IGF2R: variants seen among roughly 807,000 people sequenced by gnomAD.
The protein encoded by IGF2R is insulin like growth factor 2 receptor, also known as cation-independent mannose-6-phosphate receptor.
In IGF2R, 91 loss-of-function variants were observed where a neutral mutation model predicts 270.6. The ratio of observed to expected loss-of-function variants is 0.34; its 90% CI spans 0.28 to 0.40. The LOEUF (loss-of-function observed/expected upper bound fraction) is 0.40. IGF2R is among the 10% of genes least tolerant of loss of function. The probability of loss-of-function intolerance (pLI) is 1.00; values close to 1 mark genes in which losing one functional copy is unlikely to be tolerated. For missense variants in IGF2R, 2,805 were observed against 3,188.3 expected, an observed-to-expected ratio of 0.88 and a Z score of 2.90; for synonymous variants, 1,316 against 1,258.9, an observed-to-expected ratio of 1.05 and a Z score of -0.96.
At chr6:160,014,176 C>T (rs1777226006) in intron 4 of IGF2R, among the ~76,000 whole-genome samples, 1 of 152,160 alleles carries the variant, frequency 6.6e-6, no homozygotes, top group African/African-American at 2.4e-5. Flanking sequence ...GTAAATATAC[C>T]TCCTACTGTA....
intron 11 of IGF2R, 49 bp downstream of exon 11, chr6:160,040,773 A>T (rs746337067): frequency 6.5e-7 from 1 of 1,547,076 alleles, no homozygotes; most frequent in South Asian, 1.2e-5. Flanking sequence ...CTCATGGAAC[A>T]TTTTCCCATG....
At chr6:159,988,486 C>G (rs1055667854) in intron 1 of IGF2R, among the ~76,000 whole-genome samples, 6 of 135,540 alleles carry the variant, frequency 4.4e-5, no homozygotes, top group African/African-American at 1.7e-4. Flanking sequence ...GCACTCCAGC[C>G]TGGGCGACAG....
rs547301791 is a variant in IGF2R at position 160,108,633 on chromosome 6, C to A, written c.*3549C>A. The A allele has an allele frequency of 1.3e-5, 2 of 151,262 alleles. No homozygotes were observed. The highest frequency in any genetic ancestry group is 2.9e-5 in the Non-Finnish European group (2 of 67,884). The allele number at this position is 151,262 out of a possible 1,614,324, so 9.4% of individuals were successfully genotyped here. ...TCGTTTCCTTCCTTTCATTCCTTTC[C>A]TTTCCTTCCTTTTTCCTCTTTCTTT... On this transcript the variant is annotated 3_prime_UTR_variant, in exon 48 of 48. Coordinates refer to ENST00000356956, the MANE Select transcript of IGF2R (RefSeq NM_000876.4).
At chr6:159,997,703 G>C (rs1784074597) in intron 2 of IGF2R, among the ~76,000 whole-genome samples, 1 of 152,078 alleles carries the variant, frequency 6.6e-6, no homozygotes, top group Non-Finnish European at 1.5e-5. Flanking sequence ...TCTCCACCAG[G>C]CTCCAGTGCT....
Position 160,056,672 on chromosome 6 carries a change from C to A in IGF2R, c.2796+147C>A. On this transcript the variant is annotated intron_variant, in intron 20 of 47. Transcript: ENST00000356956. Reference sequence around the variant, plus strand: ...TTGACAATGGGTGTCTGCAGGTCACCCAGAGTTCCTCTCCACTCCGCAGCT... The same window carrying A: ...TTGACAATGGGTGTCTGCAGGTCACACAGAGTTCCTCTCCACTCCGCAGCT... The A allele has an allele frequency of 6.2e-6, 4 of 642,266 alleles. No homozygotes were observed. The South Asian group carries it at 7.0e-5, about 11-fold the overall frequency. The allele number at this position is 642,266 out of a possible 1,614,324, so 39.8% of individuals were successfully genotyped here.
chr6:159,978,459 T>C (rs1296140252), intron 1 of IGF2R, among the ~76,000 whole-genome samples: 1 of 152,080 alleles, frequency 6.6e-6, no homozygotes, highest in African/African-American at 2.4e-5. Flanking sequence ...CCGTCCTCCC[T>C]GTTTCCCTGT....
chr6:160,062,643 A>C (rs1178798716), intron 26 of IGF2R, 24 bp downstream of exon 26: 1 of 1,553,818 alleles, frequency 6.4e-7, no homozygotes, highest in Non-Finnish European at 8.9e-7. Flanking sequence ...TGTCCCTACA[A>C]GTCATTTTAA....
intron 4 of IGF2R, among the ~76,000 whole-genome samples, chr6:160,015,557 A>T (rs1777271744): frequency 6.6e-6 from 1 of 152,098 alleles, no homozygotes; most frequent in Non-Finnish European, 1.5e-5. Flanking sequence ...ACTTCATGAA[A>T]CTGTACCGCA....
Position 160,058,082 on chromosome 6 carries a change from T to A in IGF2R, c.2856T>A (p.Ser952Arg). ...GFVFNLNPLN[S>R]SQGYNVSGIG... ...TGTTTAATCTTAATCCGCTAAACAG[T>A]TCGCAAGGATATAACGTCTCTGGCA... Residue 952 changes from serine to arginine, a missense_variant, in exon 21 of 48, where the codon AGT becomes AGA. Ser to Arg is a moderately radical substitution (Grantham distance 110). Transcript: ENST00000356956. 1 of 1,613,672 alleles carries A rather than the reference T, an allele frequency of 6.2e-7. No homozygotes were observed. Among genetic ancestry groups the A allele is most frequent in the South Asian group, 1.1e-5 (1 of 91,078 alleles).
intron 4 of IGF2R, among the ~76,000 whole-genome samples, chr6:160,021,750 G>T (rs1221049886): frequency 6.6e-6 from 1 of 151,540 alleles, no homozygotes; most frequent in Admixed American, 6.6e-5. Context: ...CAGAGTTGCA[G>T]AAAAAAAAGA....
chr6:160,046,440 C>T, intron 14 of IGF2R, 58 bp from the exon 15 acceptor site: 2 of 1,516,362 alleles, frequency 1.3e-6, no homozygotes, highest in Non-Finnish European at 1.8e-6. Context: ...GGGGTGAGAC[C>T]ACTCTGTTAA....
Position 160,102,127 on chromosome 6 carries a change from G to C in IGF2R, c.6843-392G>C, listed in dbSNP as rs1339608323. 1.3e-5 allele frequency among the ~76,000 whole-genome samples: 2 copies of C among 152,226 alleles called. No homozygotes were observed. Among genetic ancestry groups the C allele is most frequent in the Non-Finnish European group, 2.9e-5 (2 of 68,038 alleles). ...TCACTGCTTCCAGAAGAAATTCTGA[G>C]AGGAAAGAGCTCTGACCCTGGAGAG... On this transcript the variant is annotated intron_variant, in intron 45 of 47. Coordinates refer to ENST00000356956, the MANE Select transcript of IGF2R (RefSeq NM_000876.4). This position sits in a 1 kb window ranked among gnomAD's most constrained non-coding sequence, Gnocchi z 4.5.
chr6:160,068,752 G>A (rs1778648410), intron 30 of IGF2R, among the ~76,000 whole-genome samples: 2 of 152,252 alleles, frequency 1.3e-5, no homozygotes, highest in African/African-American at 4.8e-5. Context: ...ACTGGTGAGA[G>A]AGGGCCTCTT....
chr6:160,032,775 G>T, intron 8 of IGF2R, 62 bp downstream of exon 8: 5 of 1,546,308 alleles, frequency 3.2e-6, no homozygotes, highest in Non-Finnish European at 4.4e-6. Context: ...GAGAGGGAAC[G>T]GGACAGTAGG....
intron 36 of IGF2R, among the ~76,000 whole-genome samples, chr6:160,076,898 A>G (rs1778866022): frequency 6.6e-6 from 1 of 152,238 alleles, no homozygotes; most frequent in African/African-American, 2.4e-5. Context: ...TCCAAGGCTC[A>G]TCTGACCCCT....
intron 4 of IGF2R, among the ~76,000 whole-genome samples, chr6:160,012,765 T>TATATATGTATATATATA (rs1562343074): frequency 1.3e-5 from 1 of 76,610 alleles, no homozygotes; most frequent in Non-Finnish European, 2.8e-5. Flanking sequence ...ATATATATAT[T>TATATATGTATATATATA]TTTTTTTTTT....
In IGF2R at chr6:160,069,927, G is replaced by A; in HGVS notation, c.4312G>A (p.Gly1438Ser). The change falls in exon 31 of 48, where the codon GGC (glycine) becomes AGC (serine). Residue 1438 changes from glycine to serine, a missense_variant. By Grantham distance (56) the Gly-to-Ser change is moderately conservative. Around this residue, in one of 2 missense-constraint regions of IGF2R, gnomAD observed 1,851 missense variants for 2,207.2 expected, o/e 0.84. Transcript: ENST00000356956. ...GGGTGGCTCCAAGCCCGTGAACCTC[G>A]GCAGGGTAAGGGACGGACCTCAGTG... Reference protein sequence around the residue: ...LLGGSKPVNLGRVRDGPQWRD... With the variant: ...LLGGSKPVNLSRVRDGPQWRD... 4 of 1,614,200 alleles carry A rather than the reference G, an allele frequency of 2.5e-6. No individual in the cohort carries two copies. The highest frequency in any genetic ancestry group is 1.1e-5 in the South Asian group (1 of 91,078).
intron 27 of IGF2R, among the ~76,000 whole-genome samples, chr6:160,064,141 A>C (rs1037715629): frequency 6.6e-6 from 1 of 152,250 alleles, no homozygotes; most frequent in Non-Finnish European, 1.5e-5. Context: ...AGAAAGTGAC[A>C]TTCCCTTAGG....
At chr6:160,006,056 C>G (rs1232640228) in intron 2 of IGF2R, 1 of 157,908 alleles carries the variant, frequency 6.3e-6, no homozygotes, top group African/African-American at 2.4e-5. Flanking sequence ...ATCCCCTGTA[C>G]CACCCGGCAT....
Sources: allele counts gnomAD v4.1 joint callset (sites outside exome capture counted in the v4.1 genomes callset), GRCh38; gene constraint gnomAD v4.1.1; regional missense constraint gnomAD v4.1.1; non-coding constraint Gnocchi (gnomAD v3.1); transcripts MANE v1.5; gene names NCBI Gene and HGNC (gene_info 2026-07-23, HGNC 2026-07-21).